UGCG: variants seen among roughly 807,000 people sequenced by gnomAD.
UGCG encodes the protein UDP-glucose ceramide glucosyltransferase, also known as ceramide glucosyltransferase.
UGCG carries 10 observed loss-of-function variants against 49.5 expected under a neutral mutation model. The ratio of observed to expected loss-of-function variants is 0.20; its 90% CI spans 0.12 to 0.34. UGCG has a LOEUF of 0.34. Ranked by LOEUF, UGCG falls within the 10% of genes least tolerant of loss-of-function variation. UGCG has a pLI of 1.00. For missense variants in UGCG, 312 were observed against 483.7 expected, an observed-to-expected ratio of 0.65 and a Z score of 3.33; for synonymous variants, 182 against 158.2, an observed-to-expected ratio of 1.15 and a Z score of -1.13.
Position 111,914,707 on chromosome 9 carries a change from C to T in UGCG, c.201C>T (p.Ile67=). ...TGAAAGGGGTAGATCCTAACTTAAT[C>T]AACAACCTGGAAACATTCTTTGAAT... ...KPLKGVDPNL[I]NNLETFFELD... Residue 67 remains isoleucine, a synonymous_variant, in exon 2 of 9, where the codon ATC becomes ATT. Coordinates refer to ENST00000374279, the MANE Select transcript of UGCG (RefSeq NM_003358.3). The T allele has an allele frequency of 6.2e-7, 1 of 1,614,100 alleles. No individual in the cohort carries two copies. Among genetic ancestry groups the T allele is most frequent in the East Asian group, 2.2e-5 (1 of 44,870 alleles).
Position 111,931,296 on chromosome 9 carries a change from C to A in UGCG, c.763C>A (p.Gln255Lys). ...AGGTTGGAGGTTTGCAATGTCCACTCAAGTTGCAATGCAAAACTCTGGCTC... is the reference window on the plus strand; with the variant it reads ...AGGTTGGAGGTTTGCAATGTCCACTAAAGTTGCAATGCAAAACTCTGGCTC... Reference protein sequence around the residue: ...DRGWRFAMSTQVAMQNSGSYS... With the variant: ...DRGWRFAMSTKVAMQNSGSYS... The change falls in exon 7 of 9, where the codon CAA becomes AAA. Residue 255 changes from glutamine to lysine, a missense_variant. By Grantham distance (53) the Gln-to-Lys change is moderately conservative (BLOSUM62 1). Coordinates refer to ENST00000374279, the MANE Select transcript of UGCG (RefSeq NM_003358.3). 10 of 1,613,890 alleles carry A rather than the reference C, an allele frequency of 6.2e-6. No homozygotes were observed. The highest frequency in any genetic ancestry group is 8.5e-6 in the Non-Finnish European group (10 of 1,179,982).
At chr9:111,921,802 A>ATTTTGTTTTTTTTTTTTTTTTTT (rs1838226184) in intron 2 of UGCG, among the ~76,000 whole-genome samples, 1 of 55,536 alleles carries the variant, frequency 1.8e-5, no homozygotes, top group Non-Finnish European at 3.2e-5. Flanking sequence ...CCCCAGGGTG[A>ATTTTGTTTTTTTTTTTTTTTTTT]TTTTTTTTTT....
intron 1 of UGCG, among the ~76,000 whole-genome samples, chr9:111,912,586 A>T (rs1040537880): frequency 7.6e-6 from 1 of 132,412 alleles, no homozygotes; most frequent in Admixed American, 7.2e-5. Context: ...TTAAAAAAAT[A>T]AAAAAAAAAA....
Position 111,931,257 on chromosome 9 carries a change from A to G in UGCG, c.738-14A>G. On this transcript the variant is annotated splice_polypyrimidine_tract_variant and intron_variant, in intron 6 of 8. Transcript: ENST00000374279. ...CATCATCATAACTTATTTTCTAATT[A>G]TCTTAATTTTCAGAGGTTGGAGGTT... is the stretch of plus-strand genomic sequence containing the variant. The G allele has an allele frequency of 1.2e-6, 2 of 1,612,372 alleles. No homozygotes were observed. The highest frequency in any genetic ancestry group is 1.7e-6 in the Non-Finnish European group (2 of 1,178,994).
chr9:111,897,398 G>A, intron 1 of UGCG, 85 bp downstream of exon 1: 4 of 1,138,732 alleles, frequency 3.5e-6, no homozygotes, highest in Non-Finnish European at 5.0e-6. Context: ...GCGCTTTGAA[G>A]GGGACTGGGC....
intron 1 of UGCG, 102 bp downstream of exon 1, chr9:111,897,415 G>T: frequency 3.3e-6 from 3 of 902,468 alleles, no homozygotes; most frequent in Non-Finnish European, 5.0e-6. Context: ...GGGCTCGGGC[G>T]GGGGTGGAGA....
At position 111,932,347 on chromosome 9, in the gene UGCG, CAG is replaced by C; in HGVS notation, c.1003_1004del (p.Arg335GlyfsTer13). ...GGTTTATATTTGACTACATTCAACT[CAG>C]GGGTGTCCAGGTATGTGGATAGGCA... ...AWFIFDYIQLRGVQGGTLCFS... is the reference protein window; with the variant it reads ...AWFIFDYIQLXGVQGGTLCFS... On this transcript the variant is annotated frameshift_variant, in exon 8 of 9. Transcript: ENST00000374279. LOFTEE classifies it high-confidence loss of function. The C allele has an allele frequency of 6.2e-7, 1 of 1,613,798 alleles. No homozygotes were observed. Among genetic ancestry groups the C allele is most frequent in the Non-Finnish European group, 8.5e-7 (1 of 1,179,924 alleles).
intron 3 of UGCG, 32 bp downstream of exon 3, chr9:111,922,983 C>A: frequency 7.2e-7 from 1 of 1,391,208 alleles, no homozygotes; most frequent in Non-Finnish European, 1.0e-6. Context: ...AACCATTTTC[C>A]ATTGATAGTA....
At chr9:111,904,080 C>T (rs1439939066) in intron 1 of UGCG, among the ~76,000 whole-genome samples, 6 of 44,858 alleles carry the variant, frequency 1.3e-4, no homozygotes, top group Non-Finnish European at 2.5e-4. Context: ...AGAATGATTG[C>T]CCCAGGCTGT....
At position 111,934,359 on chromosome 9, in the gene UGCG, TAAAAA is replaced by T. The variant is rs556821464; in HGVS notation, c.*1370_*1374del. On this transcript the variant is annotated 3_prime_UTR_variant, in exon 9 of 9. Transcript: ENST00000374279. ...TTGATTCTGTTTTGTTTTGTTTTTT[TAAAAA>T]AAAAAAACAAAAATGTAAGGGACAG... 6.9e-6 allele frequency: 1 copy of T among 144,614 alleles called. No homozygotes were observed. The highest frequency in any genetic ancestry group is 1.5e-5 in the Non-Finnish European group (1 of 65,630). The allele number at this position is 144,614 out of a possible 1,614,324, so 9.0% of individuals were successfully genotyped here.
intron 2 of UGCG, among the ~76,000 whole-genome samples, chr9:111,920,910 G>GT (rs558483234): frequency 4.2e-4 from 61 of 146,202 alleles, no homozygotes; most frequent in Admixed American, 6.8e-4. Context: ...TCGTCGTTTT[G>GT]TTTTTTTTTT....
chr9:111,930,645 A>G (rs574026036), intron 6 of UGCG, among the ~76,000 whole-genome samples: 2 of 151,224 alleles, frequency 1.3e-5, no homozygotes, highest in Admixed American at 6.6e-5. Flanking sequence ...TTTTTTTTGT[A>G]TGTTAGTAGA....
At chr9:111,924,956 A>G in intron 4 of UGCG, 78 bp downstream of exon 4, 2 of 797,240 alleles carry the variant, frequency 2.5e-6, no homozygotes, top group Non-Finnish European at 1.8e-6. Flanking sequence ...AGATACATTC[A>G]TGAGTTCTTT....
At position 111,904,391 on chromosome 9, in the gene UGCG, A is replaced by G. The variant is rs79670065; in HGVS notation, c.98+7078A>G. Among the ~76,000 whole-genome samples, 608 of 152,228 alleles carry G rather than the reference A, an allele frequency of 4.0e-3. 3 individuals are homozygous for G. Among genetic ancestry groups the G allele is most frequent in the Middle Eastern group, 6.8e-3 (2 of 294 alleles). On this transcript the variant is annotated intron_variant, in intron 1 of 8. Transcript: ENST00000374279. Reference sequence around the variant, plus strand: ...TTTTCTGTGTTTAGCTCTGACATCCATCACTTAAAAAAACCTCTTCTAAAT... The same window carrying G: ...TTTTCTGTGTTTAGCTCTGACATCCGTCACTTAAAAAAACCTCTTCTAAAT...
intron 1 of UGCG, among the ~76,000 whole-genome samples, chr9:111,909,495 CT>C (rs1181535610): frequency 1.3e-5 from 2 of 152,194 alleles, no homozygotes; most frequent in African/African-American, 4.8e-5. Context: ...TTGTTGACAT[CT>C]TTAAGAGTTT....
chr9:111,917,746 T>C (rs1838134856), intron 2 of UGCG, among the ~76,000 whole-genome samples: 2 of 152,232 alleles, frequency 1.3e-5, no homozygotes, highest in South Asian at 4.1e-4. Context: ...GCTGTATTCA[T>C]CTTACAAGTC....
At chr9:111,898,735 T>G (rs541944879) in intron 1 of UGCG, among the ~76,000 whole-genome samples, 2 of 152,308 alleles carry the variant, frequency 1.3e-5, no homozygotes, top group South Asian at 4.1e-4. Flanking sequence ...AATTAAAATA[T>G]GCACACACCA....
At chr9:111,915,425 G>T (rs1838093633) in intron 2 of UGCG, among the ~76,000 whole-genome samples, 1 of 152,188 alleles carries the variant, frequency 6.6e-6, no homozygotes, top group South Asian at 2.1e-4. Context: ...TTTGATTTTT[G>T]TACTTAGCTT....
intron 5 of UGCG, among the ~76,000 whole-genome samples, chr9:111,927,450 TTTTTG>T (rs1042992071): frequency 6.6e-6 from 1 of 151,942 alleles, no homozygotes; most frequent in Non-Finnish European, 1.5e-5. Context: ...TTTTTTGTTT[TTTTTG>T]TTTTGTTTTT....
Sources: allele counts gnomAD v4.1 joint callset (sites outside exome capture counted in the v4.1 genomes callset), GRCh38; gene constraint gnomAD v4.1.1; transcripts MANE v1.5; gene names NCBI Gene and HGNC (gene_info 2026-07-23, HGNC 2026-07-21).